Variants in UMAD1 observed in about 807,000 individuals in gnomAD.
UMAD1 encodes UBAP1-MVB12-associated (UMA) domain containing 1.
UMAD1 carries 8 observed loss-of-function variants against 6.1 expected under a neutral mutation model. The ratio of observed to expected loss-of-function variants is 1.30; its 90% CI spans 0.76 to 2.35. The LOEUF (loss-of-function observed/expected upper bound fraction) is 2.35. Among genes scored for constraint, UMAD1 ranks in the 30% most tolerant of loss-of-function variants. The pLI, the probability that UMAD1 is intolerant of heterozygous loss-of-function variation, is 0.00. For missense variants in UMAD1, 130 were observed against 78.4 expected (o/e 1.66, Z -2.49); for synonymous variants, 56 against 31.4 (o/e 1.78, Z -2.61).
At chr7:7,760,820 G>A (rs10258735) in intron 2 of UMAD1, among the ~76,000 whole-genome samples, 53,746 of 151,990 alleles carry the variant, frequency 0.35, 10,035 homozygotes, top group African/African-American at 0.47. Context: ...TGAGATTGAA[G>A]AAAATAACAG....
At chr7:7,808,438 A>C (rs1263422198) in intron 3 of UMAD1, among the ~76,000 whole-genome samples, 1 of 152,004 alleles carries the variant, frequency 6.6e-6, no homozygotes, top group Non-Finnish European at 1.5e-5. Context: ...AAAGTGTTTT[A>C]TATTGTGAAA....
At chr7:7,799,626 T>C (rs1489508475) in intron 2 of UMAD1, among the ~76,000 whole-genome samples, 1 of 152,190 alleles carries the variant, frequency 6.6e-6, no homozygotes, top group Non-Finnish European at 1.5e-5. Flanking sequence ...CTTAGAAACA[T>C]CGTGCATGTG....
intron 3 of UMAD1, among the ~76,000 whole-genome samples, chr7:7,822,633 G>A (rs1352226049): frequency 1.3e-5 from 2 of 152,120 alleles, no homozygotes; most frequent in Non-Finnish European, 1.5e-5. Context: ...TGAGGAAAGG[G>A]TTCTGGAAGT....
chr7:7,663,062 C>A (rs1249212592), intron 1 of UMAD1, among the ~76,000 whole-genome samples: 3 of 151,698 alleles, frequency 2.0e-5, no homozygotes, highest in Admixed American at 2.0e-4. Context: ...TTATTATAAC[C>A]CAGCACAGGC....
chr7:7,749,848 A>C (rs1467143724), intron 2 of UMAD1, among the ~76,000 whole-genome samples: 1 of 152,146 alleles, frequency 6.6e-6, no homozygotes, highest in African/African-American at 2.4e-5. Context: ...AGTTCTGTAA[A>C]ACTTTTAATA....
intron 2 of UMAD1, among the ~76,000 whole-genome samples, chr7:7,752,069 G>T (rs1459729201): frequency 6.6e-6 from 1 of 152,056 alleles, no homozygotes; most frequent in Admixed American, 6.5e-5. Context: ...GGTACATAGG[G>T]TTCATTATTT....
At chr7:7,708,868 AGTTGTAT>A (rs1474400744) in intron 2 of UMAD1, among the ~76,000 whole-genome samples, 1 of 151,932 alleles carries the variant, frequency 6.6e-6, no homozygotes, top group East Asian at 1.9e-4. Context: ...AAATACAGGC[AGTTGTAT>A]GTTTTTAAGA....
At position 7,688,822 on chromosome 7, in the gene UMAD1, A is replaced by G. The variant is rs115232388; in HGVS notation, c.82+15369A>G. Among the ~76,000 whole-genome samples the G allele has an allele frequency of 4.5e-3, 681 of 152,298 alleles. 7 individuals carry two copies. The highest frequency in any genetic ancestry group is 0.016 in the African/African-American group (655 of 41,572). ...ATCAAAAAGCTGATCCTCAGTCTGT[A>G]TATTGTTAATAGCTTTTGTAATGAC... On this transcript the variant is annotated intron_variant, in intron 2 of 3. Transcript: ENST00000682710.
chr7:7,760,029 C>CT (rs1363595943), intron 2 of UMAD1, among the ~76,000 whole-genome samples: 1 of 152,136 alleles, frequency 6.6e-6, no homozygotes, highest in African/African-American at 2.4e-5. Context: ...GAGACCCTGG[C>CT]TTACAAGGGT....
At chr7:7,743,166 G>T (rs1160145412) in intron 2 of UMAD1, among the ~76,000 whole-genome samples, 1 of 152,104 alleles carries the variant, frequency 6.6e-6, no homozygotes, top group African/African-American at 2.4e-5. Flanking sequence ...TTTTGGTCTG[G>T]TGGTGCAGGA....
At chr7:7,751,810 A>G (rs973279648) in intron 2 of UMAD1, among the ~76,000 whole-genome samples, 3 of 152,154 alleles carry the variant, frequency 2.0e-5, no homozygotes, top group South Asian at 2.1e-4. Context: ...ACGTGATCAT[A>G]TGGTTTTGCA....
chr7:7,856,522 T>C (rs2115328723), intron 3 of UMAD1, among the ~76,000 whole-genome samples: 1 of 152,296 alleles, frequency 6.6e-6, no homozygotes. Context: ...CCGCAACATA[T>C]GGGGATTGTG....
At chr7:7,798,133 C>T (rs943325599) in intron 2 of UMAD1, among the ~76,000 whole-genome samples, 4 of 152,148 alleles carry the variant, frequency 2.6e-5, no homozygotes, top group Non-Finnish European at 5.9e-5. Flanking sequence ...TCTATGACTG[C>T]TTGTGACTAC....
At chr7:7,817,751 G>A (rs956762817) in intron 3 of UMAD1, among the ~76,000 whole-genome samples, 2 of 152,014 alleles carry the variant, frequency 1.3e-5, no homozygotes, top group East Asian at 3.9e-4. Flanking sequence ...TTTTGCATCC[G>A]TTCCTGACTA....
chr7:7,771,550 C>T (rs201554723), intron 2 of UMAD1, among the ~76,000 whole-genome samples: 1 of 152,146 alleles, frequency 6.6e-6, no homozygotes, highest in East Asian at 1.9e-4. Context: ...CAGATCTGAA[C>T]ATTTTCTTGT....
At chr7:7,858,033 G>A (rs185582937) in intron 3 of UMAD1, among the ~76,000 whole-genome samples, 35 of 152,344 alleles carry the variant, frequency 2.3e-4, no homozygotes, top group Non-Finnish European at 4.4e-5. Context: ...GTTAGACGGT[G>A]TGACTTCTCT....
intron 3 of UMAD1, among the ~76,000 whole-genome samples, chr7:7,844,181 C>A (rs979162936): frequency 6.6e-6 from 1 of 152,186 alleles, no homozygotes; most frequent in African/African-American, 2.4e-5. Context: ...ACAGCATTTC[C>A]CACATACCCT....
chr7:7,677,728 C>T (rs1313369493), intron 2 of UMAD1, among the ~76,000 whole-genome samples: 6 of 130,144 alleles, frequency 4.6e-5, no homozygotes, highest in African/African-American at 1.8e-4. Flanking sequence ...GGCTGGAGTG[C>T]AGTGGCGGGA....
chr7:7,675,858 G>A (rs1779726100), intron 2 of UMAD1, among the ~76,000 whole-genome samples: 1 of 152,166 alleles, frequency 6.6e-6, no homozygotes. Context: ...CCAGATGTTG[G>A]CTGAGGCCTC....
Sources: allele counts gnomAD v4.1 joint callset (sites outside exome capture counted in the v4.1 genomes callset), GRCh38; gene constraint gnomAD v4.1.1; transcripts MANE v1.5; gene names NCBI Gene and HGNC (gene_info 2026-07-23, HGNC 2026-07-21).